The following CPS1 variants were observed in gnomAD, a reference collection of about 807,000 sequenced individuals.
CPS1 encodes the protein carbamoyl-phosphate synthase 1, also known as carbamoyl-phosphate synthase [ammonia], mitochondrial.
CPS1 carries 109 observed loss-of-function variants against 174.6 expected under a neutral mutation model. The observed-to-expected ratio is 0.62, with a 90% confidence interval of 0.53 to 0.73. The LOEUF is 0.73. Ranked by LOEUF, CPS1 falls within the 30% of genes least tolerant of loss-of-function variation. The pLI is 0.00. For missense variants in CPS1, 1,689 were observed against 1,821.9 expected, an observed-to-expected ratio of 0.93 and a Z score of 1.33; for synonymous variants, 637 against 632.0, an observed-to-expected ratio of 1.01 and a Z score of -0.12.
At chr2:210,540,149 G>C (rs893420591) in intron 1 of CPS1, among the ~76,000 whole-genome samples, 4 of 152,110 alleles carry the variant, frequency 2.6e-5, no homozygotes, top group Admixed American at 2.6e-4. Context: ...AGAATTTAAC[G>C]AACTCCCCTC....
intron 1 of CPS1, among the ~76,000 whole-genome samples, chr2:210,523,398 G>A (rs888059970): frequency 2.6e-5 from 4 of 151,592 alleles, no homozygotes. Flanking sequence ...TAATTTTTTT[G>A]CGTAATGGTG....
chr2:210,516,275 G>C (rs999821840), intron 1 of CPS1, among the ~76,000 whole-genome samples: 1 of 151,730 alleles, frequency 6.6e-6, no homozygotes, highest in Non-Finnish European at 1.5e-5. Context: ...TCAATGATCT[G>C]TCTAATGCTG....
intron 21 of CPS1, among the ~76,000 whole-genome samples, chr2:210,630,539 C>A (rs1366657908): frequency 6.6e-6 from 1 of 152,088 alleles, no homozygotes. Flanking sequence ...TTCTTGATGC[C>A]ATACTGTCAC....
intron 1 of CPS1, among the ~76,000 whole-genome samples, chr2:210,488,823 T>G (rs1694791511): frequency 6.6e-6 from 1 of 152,172 alleles, no homozygotes; most frequent in South Asian, 2.1e-4. Flanking sequence ...GATTTATAAT[T>G]GTATTCCATA....
chr2:210,652,413 A>G (rs1700585724), intron 28 of CPS1, among the ~76,000 whole-genome samples: 1 of 152,212 alleles, frequency 6.6e-6, no homozygotes, highest in South Asian at 2.1e-4. Context: ...AGTTGTTGCT[A>G]TAGCTCAGGG....
At chr2:210,512,052 G>A (rs1213432429) in intron 1 of CPS1, among the ~76,000 whole-genome samples, 3 of 152,006 alleles carry the variant, frequency 2.0e-5, no homozygotes, top group Non-Finnish European at 2.9e-5. Context: ...ATCATTAAAA[G>A]TGAACTTACC....
At chr2:210,610,963 A>C (rs545568598) in intron 19 of CPS1, among the ~76,000 whole-genome samples, 1 of 152,026 alleles carries the variant, frequency 6.6e-6, no homozygotes, top group South Asian at 2.1e-4. Flanking sequence ...AATACTTCAA[A>C]TTTTCTTAAA....
chr2:210,621,806 G>A (rs1295826367), intron 21 of CPS1, among the ~76,000 whole-genome samples: 4 of 152,006 alleles, frequency 2.6e-5, no homozygotes, highest in Admixed American at 6.6e-5. Flanking sequence ...ACTGAAACTT[G>A]AATTTTGATT....
At chr2:210,556,956 G>A (rs1406464671) in intron 1 of CPS1, 97 bp downstream of exon 1, 2 of 1,387,160 alleles carry the variant, frequency 1.4e-6, no homozygotes, top group African/African-American at 1.4e-5. Flanking sequence ...AGTTTTGAAT[G>A]TAGCTCTGAA....
intron 20 of CPS1, among the ~76,000 whole-genome samples, chr2:210,612,682 G>A (rs1699170729): frequency 6.6e-6 from 1 of 151,824 alleles, no homozygotes. Context: ...AGAAAGGAAG[G>A]TGCATACAAT....
At chr2:210,509,878 G>A (rs1317242745) in intron 1 of CPS1, among the ~76,000 whole-genome samples, 3 of 152,052 alleles carry the variant, frequency 2.0e-5, no homozygotes, top group African/African-American at 7.3e-5. Flanking sequence ...AATAAAAGAG[G>A]ATACAAACAA....
chr2:210,567,342 T>C (rs1393250125), intron 1 of CPS1, among the ~76,000 whole-genome samples: 3 of 152,110 alleles, frequency 2.0e-5, no homozygotes, highest in African/African-American at 7.2e-5. Flanking sequence ...CAAAAAACAG[T>C]AAAAATATAA....
At chr2:210,543,013 A>G (rs1444603689) in intron 1 of CPS1, among the ~76,000 whole-genome samples, 1 of 152,112 alleles carries the variant, frequency 6.6e-6, no homozygotes, top group Non-Finnish European at 1.5e-5. Context: ...TCATGCCCCT[A>G]TAATGGATTA....
intron 33 of CPS1, among the ~76,000 whole-genome samples, chr2:210,664,927 TTAAA>T (rs1414150841): frequency 6.6e-6 from 1 of 152,210 alleles, no homozygotes; most frequent in African/African-American, 2.4e-5. Flanking sequence ...TGTTGTAGGA[TTAAA>T]TAAACATTCA....
At chr2:210,512,739 TATATA>T (rs1695533203) in intron 1 of CPS1, among the ~76,000 whole-genome samples, 2 of 2,450 alleles carry the variant, frequency 8.2e-4, no homozygotes, top group African/African-American at 1.3e-3. Context: ...AGTAGTTTTA[TATATA>T]TATATATATA....
At position 210,549,439 on chromosome 2, in the gene CPS1, T is replaced by C. The variant is rs183891645; in HGVS notation, c.4-7280T>C. ...GCCATTTTATTTTGTAAAATTTATGTTGTAGGCATATTTAGACCAAGTTAT... is the reference window on the plus strand; with the variant it reads ...GCCATTTTATTTTGTAAAATTTATGCTGTAGGCATATTTAGACCAAGTTAT... On this transcript the variant is annotated intron_variant, in intron 1 of 38. Transcript: ENST00000430249. Among the ~76,000 whole-genome samples the C allele has an allele frequency of 9.4e-4, 143 of 152,210 alleles. 3 individuals are homozygous for C. The highest frequency in any genetic ancestry group is 6.2e-4 in the Non-Finnish European group (42 of 67,982).
rs1701171267 is a variant in CPS1, at chr2:210,668,258, C to G, written c.4075C>G (p.Gln1359Glu). ...GCTTTCCACAGGATTTAAGATACCC[C>G]AGAAAGGCATCCTGATAGGCATCCA... The part of the protein sequence containing the change: ...AMLSTGFKIP[Q>E]KGILIGIQQS... The change falls in exon 34 of 38, where the codon CAG (glutamine) becomes GAG (glutamate). Residue 1359 changes from glutamine (Q) to glutamate (E), a missense_variant. Transcript: ENST00000233072. 1 of 1,613,628 alleles carries G rather than the reference C, an allele frequency of 6.2e-7. No homozygotes were observed. The highest frequency in any genetic ancestry group is 1.1e-5 in the South Asian group (1 of 91,072).
At chr2:210,662,118 G>T (rs979872688) in intron 32 of CPS1, among the ~76,000 whole-genome samples, 1 of 151,880 alleles carries the variant, frequency 6.6e-6, no homozygotes, top group Non-Finnish European at 1.5e-5. Flanking sequence ...GTTTTGCCAT[G>T]TTGGCAAAGT....
At chr2:210,641,396 T>C (rs1700219665) in intron 24 of CPS1, among the ~76,000 whole-genome samples, 1 of 152,066 alleles carries the variant, frequency 6.6e-6, no homozygotes, top group African/African-American at 2.4e-5. Flanking sequence ...AAAGTGCTGG[T>C]ATTACAGGCA....
Sources: allele counts gnomAD v4.1 joint callset (sites outside exome capture counted in the v4.1 genomes callset), GRCh38; gene constraint gnomAD v4.1.1; transcripts MANE v1.5; gene names NCBI Gene and HGNC (gene_info 2026-07-23, HGNC 2026-07-21).